The following UNC13C variants were observed in gnomAD, a reference collection of about 807,000 sequenced individuals.
The protein encoded by UNC13C is protein unc-13 homolog C.
Under a neutral mutation model 245.4 loss-of-function variants are expected in UNC13C, and 174 were observed. The observed-to-expected ratio is 0.71, with a 90% CI of 0.63 to 0.80. The LOEUF (loss-of-function observed/expected upper bound fraction) is 0.80. Among genes scored for constraint, UNC13C ranks in the 30% least tolerant of loss-of-function variants. The probability of loss-of-function intolerance (pLI) is 0.00; values close to 1 mark genes in which losing one functional copy is unlikely to be tolerated. For synonymous variants in UNC13C, 992 were observed against 895.1 expected (o/e 1.11, Z -1.93); for missense variants, 2,829 against 2,602.9 (o/e 1.09, Z -1.89).
At chr15:54,173,354 T>G (rs1402068075) in intron 4 of UNC13C, among the ~76,000 whole-genome samples, 2 of 152,104 alleles carry the variant, frequency 1.3e-5, no homozygotes, top group Non-Finnish European at 2.9e-5. Context: ...TCAAAGAACA[T>G]GTAATGTGTC....
intron 19 of UNC13C, among the ~76,000 whole-genome samples, chr15:54,477,887 C>G (rs1892860888): frequency 6.7e-6 from 1 of 149,104 alleles, no homozygotes; most frequent in Non-Finnish European, 1.5e-5. Context: ...AGGAATGGTA[C>G]CAGTTCCTCC....
chr15:54,543,261 C>G (rs1896330346), intron 26 of UNC13C, among the ~76,000 whole-genome samples: 1 of 152,098 alleles, frequency 6.6e-6, no homozygotes, highest in Admixed American at 6.6e-5. Flanking sequence ...CTAACGAAGA[C>G]ACAACATACC....
At chr15:54,236,934 G>C (rs1017564712) in intron 6 of UNC13C, among the ~76,000 whole-genome samples, 5 of 152,050 alleles carry the variant, frequency 3.3e-5, no homozygotes, top group African/African-American at 9.7e-5. Flanking sequence ...GATTTCCAAC[G>C]TTCTCCATAG....
intron 4 of UNC13C, among the ~76,000 whole-genome samples, chr15:54,193,374 A>G (rs974710537): frequency 2.6e-5 from 4 of 152,128 alleles, no homozygotes; most frequent in Admixed American, 6.6e-5. Flanking sequence ...ATCTTTATTC[A>G]GTATGTCTTG....
At chr15:54,012,510 A>G (rs923503090) in intron 1 of UNC13C, among the ~76,000 whole-genome samples, 138 bp from the exon 2 acceptor site, 5 of 152,242 alleles carry the variant, frequency 3.3e-5, no homozygotes, top group Non-Finnish European at 7.3e-5. Flanking sequence ...GTAAATTTAC[A>G]TTGAAATTCA....
intron 8 of UNC13C, among the ~76,000 whole-genome samples, chr15:54,255,925 G>C (rs2036267930): frequency 6.6e-6 from 1 of 152,194 alleles, no homozygotes; most frequent in Non-Finnish European, 1.5e-5. Context: ...ACTAATAATG[G>C]AGCATTTTCA....
intron 32 of UNC13C, among the ~76,000 whole-genome samples, chr15:54,624,759 G>C (rs771485609): frequency 6.6e-6 from 1 of 152,140 alleles, no homozygotes; most frequent in Non-Finnish European, 1.5e-5. Flanking sequence ...GTGGAAAGTA[G>C]ATTCTTGCCA....
chr15:54,344,565 A>G (rs1397068398), intron 17 of UNC13C, among the ~76,000 whole-genome samples: 6 of 152,280 alleles, frequency 3.9e-5, no homozygotes, highest in African/African-American at 1.4e-4. Flanking sequence ...ATTATTTGAA[A>G]TTCTAAAGGA....
intron 4 of UNC13C, among the ~76,000 whole-genome samples, chr15:54,224,910 C>G (rs1323974133): frequency 6.6e-6 from 1 of 151,800 alleles, no homozygotes; most frequent in East Asian, 1.9e-4. Flanking sequence ...TTAATTTCTT[C>G]TAGGTTTTCC....
chr15:54,119,417 G>A (rs760591968), intron 2 of UNC13C, among the ~76,000 whole-genome samples: 12 of 152,140 alleles, frequency 7.9e-5, no homozygotes, highest in Admixed American at 2.6e-4. Context: ...TTGGAACACC[G>A]CATACTGTGC....
At chr15:54,128,403 C>T (rs1372801274) in intron 2 of UNC13C, among the ~76,000 whole-genome samples, 1 of 152,104 alleles carries the variant, frequency 6.6e-6, no homozygotes, top group African/African-American at 2.4e-5. Context: ...TTGTTTCAGA[C>T]ATATTTAGAA....
At chr15:54,321,459 C>G in intron 13 of UNC13C, 1 of 489,146 alleles carries the variant, frequency 2.0e-6, no homozygotes, top group South Asian at 1.5e-5. Flanking sequence ...TGCGGCCTTG[C>G]GTTCATGGCT....
the UNC13C span, among the ~76,000 whole-genome samples, chr15:53,862,500 G>T: frequency 1.3e-5 from 2 of 152,078 alleles, no homozygotes; most frequent in Admixed American, 6.6e-5. Context: ...GGTACAAAGT[G>T]CATGTTTAAG....
At chr15:53,989,537 T>C (rs1894290078) in intron 1 of UNC13C, among the ~76,000 whole-genome samples, 2 of 152,076 alleles carry the variant, frequency 1.3e-5, no homozygotes, top group African/African-American at 4.8e-5. Flanking sequence ...CTTTGGCAAA[T>C]GTAGGATATT....
the UNC13C span, among the ~76,000 whole-genome samples, chr15:53,915,984 A>T: frequency 3.5e-4 from 53 of 152,208 alleles, no homozygotes; most frequent in African/African-American, 1.3e-3. Context: ...TTCTTTTGTA[A>T]TTTTTCCCTA....
intron 22 of UNC13C, among the ~76,000 whole-genome samples, chr15:54,502,080 T>C (rs1818710): frequency 0.49 from 73,763 of 151,626 alleles, 18,287 homozygotes; most frequent in Middle Eastern, 0.6. Context: ...CAGTTCTATG[T>C]CTGGCTGATC....
At position 54,625,264 on chromosome 15, in the gene UNC13C, G is replaced by A. The variant is rs181907955; in HGVS notation, c.6359+1310G>A. ...GGTTCCCTTTTGGCCAAAATCTACC[G>A]GAAGCAAGAAGAAACCCTACTGAGA... On this transcript the variant is annotated intron_variant, in intron 32 of 32. Coordinates refer to ENST00000260323, the MANE Select transcript of UNC13C (RefSeq NM_001080534.3). Among the ~76,000 whole-genome samples the A allele has an allele frequency of 2.4e-4, 29 of 119,568 alleles. No homozygotes were observed. In the East Asian group the frequency reaches 5.5e-3, roughly 23 times the overall value. The allele number at this position is 119,568 out of a possible 152,430, so 78.4% of individuals were successfully genotyped here. A position where few individuals can be genotyped will look rare whatever the true frequency, so the allele number is the denominator to read the frequency against.
At chr15:53,933,987 A>C in the UNC13C span, among the ~76,000 whole-genome samples, 1 of 152,322 alleles carries the variant, frequency 6.6e-6, no homozygotes, top group East Asian at 1.9e-4. Flanking sequence ...TGCAGGCTGC[A>C]TGGGATGCAA....
intron 19 of UNC13C, among the ~76,000 whole-genome samples, chr15:54,489,597 A>G (rs1893602901): frequency 6.6e-6 from 1 of 152,188 alleles, no homozygotes; most frequent in African/African-American, 2.4e-5. Flanking sequence ...AAGCTTGGAA[A>G]ATCTTGTTGT....
Sources: allele counts gnomAD v4.1 joint callset (sites outside exome capture counted in the v4.1 genomes callset), GRCh38; gene constraint gnomAD v4.1.1; transcripts MANE v1.5; gene names NCBI Gene and HGNC (gene_info 2026-07-23, HGNC 2026-07-21).